MIGA2: variants seen among roughly 807,000 people sequenced by gnomAD.
The protein encoded by MIGA2 is family with sequence similarity 73, member B.
Under a neutral mutation model 69.9 loss-of-function variants are expected in MIGA2, and 36 were observed. That is an observed-to-expected ratio of 0.52 (90% CI 0.39 to 0.68). The LOEUF (loss-of-function observed/expected upper bound fraction) is 0.68, where lower values mean the gene tolerates loss of function less well. Ranked by LOEUF, MIGA2 falls within the 30% of genes least tolerant of loss-of-function variation. MIGA2 has a pLI of 0.00. For synonymous variants in MIGA2, 333 were observed against 349.2 expected (o/e 0.95, Z 0.52); for missense variants, 660 against 787.7 (o/e 0.84, Z 1.94).
intron 1 of MIGA2, among the ~76,000 whole-genome samples, chr9:129,037,449 T>A (rs1844653567): frequency 6.6e-6 from 1 of 152,098 alleles, no homozygotes; most frequent in African/African-American, 2.4e-5. Flanking sequence ...GAAGTGTCCA[T>A]TTGGTAGGGG....
At position 129,062,000 on chromosome 9, in the gene MIGA2, GTAT is replaced by G. The variant is rs1254382329; in HGVS notation, c.1010+661_1010+663del. On this transcript the variant is annotated intron_variant, in intron 9 of 15. Transcript: ENST00000684074. The surrounding 1 kb of genome is among the most constrained non-coding windows in gnomAD (Gnocchi z 5.0). Reference sequence around the variant, plus strand: ...TTTTTGTATTATTTTTATGTATTATGTATTATTATCTTATTATGATAAGAGACT... The same window carrying G: ...TTTTTGTATTATTTTTATGTATTATGTATTATCTTATTATGATAAGAGACT... 6.3e-5 allele frequency among the ~76,000 whole-genome samples: 9 copies of G among 143,508 alleles called. No individual in the cohort carries two copies. The highest frequency in any genetic ancestry group is 2.2e-4 in the South Asian group (1 of 4,538). The allele number at this position is 143,508 out of a possible 152,430, so 94.1% of individuals were successfully genotyped here.
chr9:129,067,473 T>G (rs1006702404), intron 11 of MIGA2: 14 of 369,978 alleles, frequency 3.8e-5, no homozygotes, highest in African/African-American at 2.5e-4. Flanking sequence ...AACCTTCAGC[T>G]GCCTGACTCT....
At position 129,069,779 on chromosome 9, in the gene MIGA2, C is replaced by T. The variant is rs767366110; in HGVS notation, c.1459-70C>T. 8.6e-6 allele frequency: 9 copies of T among 1,049,062 alleles called. No individual in the cohort carries two copies. The highest frequency in any genetic ancestry group is 1.2e-5 in the Non-Finnish European group (8 of 668,642). The allele number at this position is 1,049,062 out of a possible 1,614,324, so 65.0% of individuals were successfully genotyped here. ...GACCTCTAAAGCCCAGCCCTTTATG[C>T]GACACCTGGGCCTGGTGCCCTCATC... is the stretch of plus-strand genomic sequence containing the variant. On this transcript the variant is annotated intron_variant, in intron 14 of 15. Transcript: ENST00000684074. The surrounding 1 kb of genome is among the most constrained non-coding windows in gnomAD (Gnocchi z 4.9).
chr9:129,052,797 G>C (rs932871935), intron 6 of MIGA2, among the ~76,000 whole-genome samples: 1 of 152,118 alleles, frequency 6.6e-6, no homozygotes, highest in Non-Finnish European at 1.5e-5. Flanking sequence ...TCCCTGCTGG[G>C]GCGTGAGCTC....
chr9:129,048,026 C>T (rs867410641), intron 3 of MIGA2, among the ~76,000 whole-genome samples: 6 of 152,270 alleles, frequency 3.9e-5, no homozygotes, highest in Middle Eastern at 6.8e-3. Context: ...CCACCGTGCC[C>T]GGCCTTTTGT....
chr9:129,039,410 T>C (rs1844780565), intron 1 of MIGA2, among the ~76,000 whole-genome samples: 1 of 151,980 alleles, frequency 6.6e-6, no homozygotes, highest in Non-Finnish European at 1.5e-5. Context: ...AACGCCCGGC[T>C]AATTTTTTGT....
In MIGA2 at chr9:129,069,557, G is replaced by T. The variant is rs548425508; in HGVS notation, c.1459-292G>T. Reference sequence around the variant, plus strand: ...CTGTGGTTTGTCGTTCCCCTCTGCGGGCCAGGCTCTGTTGCCTAGCTGATA... The same window carrying T: ...CTGTGGTTTGTCGTTCCCCTCTGCGTGCCAGGCTCTGTTGCCTAGCTGATA... On this transcript the variant is annotated intron_variant, in intron 14 of 15. Coordinates refer to ENST00000684074, the MANE Select transcript of MIGA2 (RefSeq NM_001329990.2). This position sits in a 1 kb window ranked among gnomAD's most constrained non-coding sequence, Gnocchi z 4.9. 2.4e-5 allele frequency: 13 copies of T among 533,382 alleles called. No homozygotes were observed. Among genetic ancestry groups the T allele is most frequent in the African/African-American group, 2.1e-4 (11 of 52,564 alleles). The allele number at this position is 533,382 out of a possible 1,614,324, so 33.0% of individuals were successfully genotyped here. A position where few individuals can be genotyped will look rare whatever the true frequency, so the allele number is the denominator to read the frequency against.
rs1254407569 is a variant in MIGA2 at position 129,069,021 on chromosome 9, G to C, written c.1405-55G>C. On this transcript the variant is annotated intron_variant, in intron 13 of 15. Coordinates refer to ENST00000684074, the MANE Select transcript of MIGA2 (RefSeq NM_001329990.2). The surrounding 1 kb of genome is among the most constrained non-coding windows in gnomAD (Gnocchi z 4.9). The stretch of plus-strand genomic sequence containing the variant: ...TGGTGCTGGGCTGGCAGAGGGCGAG[G>C]GGCTGTGGGCTAGGCCCATTTTGAC... 6 of 1,605,766 alleles carry C rather than the reference G, an allele frequency of 3.7e-6. No individual in the cohort carries two copies. Among genetic ancestry groups the C allele is most frequent in the East Asian group, 2.2e-5 (1 of 44,844 alleles).
chr9:129,042,643 C>G (rs1224955080), intron 3 of MIGA2, 129 bp downstream of exon 3: 61 of 950,316 alleles, frequency 6.4e-5, no homozygotes, highest in Non-Finnish European at 7.1e-5. Flanking sequence ...GTCTCCTGAT[C>G]TGTGAGCGGG....
chr9:129,036,964 C>T (rs1844622985), intron 1 of MIGA2: 2 of 1,002,790 alleles, frequency 2.0e-6, no homozygotes, highest in African/African-American at 1.7e-5. Context: ...GGAGAGCACC[C>T]GGGATGGAAG....
intron 5 of MIGA2, 87 bp from the exon 6 acceptor site, chr9:129,049,740 C>T (rs1305350179): frequency 1.3e-6 from 2 of 1,594,684 alleles, no homozygotes; most frequent in South Asian, 2.2e-5. Context: ...CCCTTCAAGG[C>T]CCTCCTGCCT....
At chr9:129,051,185 T>TAATTTTTGTATTTTTAGTAGAGAC (rs1564608244) in intron 6 of MIGA2, 1 of 157,530 alleles carries the variant, frequency 6.3e-6, no homozygotes, top group African/African-American at 2.4e-5. Context: ...CTACCGCGCC[T>TAATTTTTGTATTTTTAGTAGAGAC]GGGCTTTTTT....
intron 6 of MIGA2, among the ~76,000 whole-genome samples, chr9:129,055,799 A>G (rs1845764654): frequency 6.7e-6 from 1 of 149,820 alleles, no homozygotes; most frequent in African/African-American, 2.5e-5. Context: ...CAGTGAGCTG[A>G]GATTGCACCA....
chr9:129,053,466 C>T (rs370882460), intron 6 of MIGA2, among the ~76,000 whole-genome samples: 3 of 151,380 alleles, frequency 2.0e-5, no homozygotes, highest in East Asian at 2.0e-4. Flanking sequence ...CAGGTTCAAG[C>T]GATTCTCCTG....
At chr9:129,063,687 C>T (rs1846188387) in intron 11 of MIGA2, 56 bp downstream of exon 11, 2 of 1,576,490 alleles carry the variant, frequency 1.3e-6, no homozygotes, top group Admixed American at 1.7e-5. Flanking sequence ...CAGAGGGTCC[C>T]CCTGAACCCC....
intron 3 of MIGA2, among the ~76,000 whole-genome samples, chr9:129,048,082 T>A (rs1845324258): frequency 2.0e-5 from 3 of 152,192 alleles, no homozygotes; most frequent in Non-Finnish European, 4.4e-5. Flanking sequence ...CAAGGAGAAT[T>A]CTAAACCATT....
At position 129,060,827 on chromosome 9, in the gene MIGA2, G is replaced by C. The variant is rs930253400; in HGVS notation, c.894+177G>C. On this transcript the variant is annotated intron_variant, in intron 8 of 15. Transcript: ENST00000684074. This position sits in a 1 kb window ranked among gnomAD's most constrained non-coding sequence, Gnocchi z 4.8. ...GGATGGGGGGTGCTGAGAAATCGGGGGCTGTTGTCCTGTGGGTGAGAGCAG... is the reference window on the plus strand; with the variant it reads ...GGATGGGGGGTGCTGAGAAATCGGGCGCTGTTGTCCTGTGGGTGAGAGCAG... Among the ~76,000 whole-genome samples, 1 of 152,004 alleles carries C rather than the reference G, an allele frequency of 6.6e-6. No individual in the cohort carries two copies. The highest frequency in any genetic ancestry group is 1.5e-5 in the Non-Finnish European group (1 of 67,950).
intron 15 of MIGA2, 121 bp downstream of exon 15, chr9:129,070,086 C>T: frequency 8.1e-7 from 1 of 1,231,362 alleles, no homozygotes; most frequent in Non-Finnish European, 1.2e-6. Flanking sequence ...AGGGCAGAGC[C>T]AGACCCACAT....
intron 3 of MIGA2, among the ~76,000 whole-genome samples, chr9:129,043,512 G>A (rs771309234): frequency 3.7e-4 from 56 of 150,786 alleles, no homozygotes; most frequent in Non-Finnish European, 6.3e-4. Flanking sequence ...TCAGCCTCTC[G>A]AAAAGCTGGG....
Sources: allele counts gnomAD v4.1 joint callset (sites outside exome capture counted in the v4.1 genomes callset), GRCh38; gene constraint gnomAD v4.1.1; non-coding constraint Gnocchi (gnomAD v3.1); transcripts MANE v1.5; gene names NCBI Gene and HGNC (gene_info 2026-07-23, HGNC 2026-07-21).